KIF24: variants seen among roughly 807,000 people sequenced by gnomAD.
KIF24 encodes kinesin-like protein KIF24.
A neutral mutation model predicts 118.9 loss-of-function variants in KIF24; 81 were observed. The observed-to-expected ratio is 0.68, with a 90% CI of 0.57 to 0.82. The LOEUF (loss-of-function observed/expected upper bound fraction) is 0.82, where lower values mean the gene tolerates loss of function less well. Ranked by LOEUF, KIF24 falls within the 40% of genes least tolerant of loss-of-function variation. The pLI is 0.00. For synonymous variants in KIF24, 599 were observed against 610.0 expected (o/e 0.98, Z 0.27); for missense variants, 1,560 against 1,661.6 (o/e 0.94, Z 1.06).
chr9:34,299,730 A>T (rs1836621771), intron 3 of KIF24, among the ~76,000 whole-genome samples: 1 of 151,882 alleles, frequency 6.6e-6, no homozygotes, highest in Non-Finnish European at 1.5e-5. Context: ...CTATTCAGAG[A>T]TATTTACTTT....
At chr9:34,316,943 G>A (rs750675471) in intron 1 of KIF24, among the ~76,000 whole-genome samples, 7 of 152,040 alleles carry the variant, frequency 4.6e-5, no homozygotes, top group Non-Finnish European at 7.4e-5. Context: ...GGCTGAGCAC[G>A]GTGGCTCACG....
chr9:34,304,257 A>C (rs1168227395), intron 3 of KIF24, among the ~76,000 whole-genome samples: 1 of 152,218 alleles, frequency 6.6e-6, no homozygotes. Flanking sequence ...AGAAAAAAGA[A>C]AAAGAAGTCT....
chr9:34,286,051 AGGCT>A (rs574330198), intron 6 of KIF24, among the ~76,000 whole-genome samples: 2 of 151,538 alleles, frequency 1.3e-5, no homozygotes, highest in Non-Finnish European at 2.9e-5. Context: ...TGGCCCAATA[AGGCT>A]GGGTGCGGTG....
At chr9:34,280,715 C>A (rs186210273) in intron 6 of KIF24, among the ~76,000 whole-genome samples, 1 of 152,132 alleles carries the variant, frequency 6.6e-6, no homozygotes, top group African/African-American at 2.4e-5. Flanking sequence ...CACTCGGGCG[C>A]TATACTCAGG....
chr9:34,256,328 T>C lies in KIF24; in HGVS notation c.3279A>G (p.Thr1093=). ...ESTGGPVVSH[T]VPSGDQEAAL... ...CTGCCTCTTGATCACCAGATGGCAC[T>C]GTGTGGCTCACAACTGGGCCCCCTG... The change falls in exon 11 of 13, where the codon ACA becomes ACG. Residue 1093 remains threonine (T), a synonymous_variant. Transcript: ENST00000402558. The C allele has an allele frequency of 1.2e-6, 2 of 1,613,550 alleles. No homozygotes were observed. Among genetic ancestry groups the C allele is most frequent in the South Asian group, 1.1e-5 (1 of 91,066 alleles).
At position 34,306,381 on chromosome 9, in the gene KIF24, A is replaced by G. The variant is rs762980461; in HGVS notation, c.684T>C (p.Val228=). ...WTEMEKIRVC[V]RKRPLGMREV... Reference sequence around the variant, plus strand: ...CCCTCATGCCCAGGGGGCGTTTTCGAACACAAACTCTGATTTTCTCCATCT... The same window carrying G: ...CCCTCATGCCCAGGGGGCGTTTTCGGACACAAACTCTGATTTTCTCCATCT... The change falls in exon 3 of 13, where the codon GTT becomes GTC. Residue 228 remains valine, a synonymous_variant. Transcript: ENST00000402558. The G allele has an allele frequency of 6.2e-7, 1 of 1,613,096 alleles. No individual in the cohort carries two copies. The highest frequency in any genetic ancestry group is 1.1e-5 in the South Asian group (1 of 90,942).
intron 3 of KIF24, among the ~76,000 whole-genome samples, chr9:34,301,944 T>C (rs550646551): frequency 5.5e-4 from 83 of 152,158 alleles, no homozygotes; most frequent in African/African-American, 1.9e-3. Context: ...AACTTTTTGA[T>C]GTATTTCAGA....
chr9:34,303,753 G>A (rs554773445), intron 3 of KIF24, among the ~76,000 whole-genome samples: 1 of 152,288 alleles, frequency 6.6e-6, no homozygotes, highest in South Asian at 2.1e-4. Context: ...AGAGGCTGAG[G>A]TGGGAGGATC....
At chr9:34,319,645 A>G (rs967407828) in intron 1 of KIF24, 1 of 857,154 alleles carries the variant, frequency 1.2e-6, no homozygotes, top group South Asian at 1.4e-5. Context: ...AAGATGCAAG[A>G]CGAGTTTTAG....
chr9:34,257,952 C>G lies in KIF24; in HGVS notation c.1655G>C (p.Cys552Ser), dbSNP rs760702618. The change falls in exon 11 of 13, where the codon TGT (cysteine) becomes TCT (serine). Residue 552 changes from cysteine (C) to serine (S), a missense_variant. Around this residue, in one of 3 missense-constraint regions of KIF24, gnomAD observed 964 missense variants for 988.0 expected, o/e 0.98. Transcript: ENST00000402558. ...RVKELKKGIK[C>S]CTSVTSRNRT... is the part of the protein sequence containing the mutation. Reference sequence around the variant, plus strand: ...ATTTCGACTGGTAACTGAAGTGCAACACTTAATGCCTTTCTTTAGTTCTTT... The same window carrying G: ...ATTTCGACTGGTAACTGAAGTGCAAGACTTAATGCCTTTCTTTAGTTCTTT... The G allele has an allele frequency of 1.2e-6, 2 of 1,609,228 alleles. No homozygotes were observed. The highest frequency in any genetic ancestry group is 1.7e-6 in the Non-Finnish European group (2 of 1,177,800).
chr9:34,331,634 A>G (rs1837940230), upstream of KIF24, among the ~76,000 whole-genome samples: 1 of 152,160 alleles, frequency 6.6e-6, no homozygotes, highest in African/African-American at 2.4e-5. Flanking sequence ...TCTAATAGAA[A>G]ATTTTCACCG....
chr9:34,300,741 C>T (rs55757184), intron 3 of KIF24, among the ~76,000 whole-genome samples: 18,744 of 150,508 alleles, frequency 0.12, 1,511 homozygotes, highest in Non-Finnish European at 0.18. Flanking sequence ...CAAAATAATT[C>T]GTTGCTCAAA....
At chr9:34,270,478 T>C (rs1835461905) in intron 7 of KIF24, among the ~76,000 whole-genome samples, 1 of 144,790 alleles carries the variant, frequency 6.9e-6, no homozygotes, top group Admixed American at 7.1e-5. Flanking sequence ...ATTGTGCTAC[T>C]GCACTCCAGC....
chr9:34,324,613 G>A (rs1464083574), intron 1 of KIF24, among the ~76,000 whole-genome samples: 2 of 152,124 alleles, frequency 1.3e-5, no homozygotes, highest in Non-Finnish European at 2.9e-5. Context: ...TCACTCTTTT[G>A]AAAGCAGTTA....
At position 34,257,989 on chromosome 9, in the gene KIF24, T is replaced by C; in HGVS notation, c.1626-8A>G. The C allele has an allele frequency of 6.4e-7, 1 of 1,557,150 alleles. No homozygotes were observed. Among genetic ancestry groups the C allele is most frequent in the South Asian group, 1.2e-5 (1 of 83,564 alleles). ...TTCTTTAGTTCTTTGACCCTGTAAATAATCATTTTATGTTAAATGTGTATT... is the reference window on the plus strand; with the variant it reads ...TTCTTTAGTTCTTTGACCCTGTAAACAATCATTTTATGTTAAATGTGTATT... On this transcript the variant is annotated splice_polypyrimidine_tract_variant and splice_region_variant and intron_variant, in intron 10 of 12. Transcript: ENST00000402558.
chr9:34,269,155 C>A, intron 8 of KIF24, 102 bp downstream of exon 8: 2 of 638,332 alleles, frequency 3.1e-6, no homozygotes, highest in Non-Finnish European at 5.6e-6. Flanking sequence ...AAGAACAGGG[C>A]AGTTGCTTTG....
At chr9:34,275,442 C>A (rs889077341) in intron 6 of KIF24, among the ~76,000 whole-genome samples, 1 of 152,008 alleles carries the variant, frequency 6.6e-6, no homozygotes, top group African/African-American at 2.4e-5. Context: ...GTGGCTTATG[C>A]CTGTAATCCC....
At chr9:34,262,659 A>ATATAT (rs1835103569) in intron 9 of KIF24, among the ~76,000 whole-genome samples, 1 of 37,874 alleles carries the variant, frequency 2.6e-5, no homozygotes, top group Non-Finnish European at 5.2e-5. Context: ...AAAAAAAAAA[A>ATATAT]AAAAAAAAAA....
rs1309525511 is a variant in KIF24 at position 34,318,977 on chromosome 9, A to G, written c.-25-7606T>C. ...CAAGCTGCCCAAGGTCACCAAGGAC[A>G]TGGAGTGCATGGATGGCGCCCTGCT... On this transcript the variant is annotated intron_variant, in intron 1 of 12. Transcript: ENST00000402558. This position sits in a 1 kb window ranked among gnomAD's most constrained non-coding sequence, Gnocchi z 4.9. 2 of 1,292,360 alleles carry G rather than the reference A, an allele frequency of 1.5e-6. No individual in the cohort carries two copies. Among genetic ancestry groups the G allele is most frequent in the East Asian group, 2.3e-5 (1 of 43,242 alleles). The allele number at this position is 1,292,360 out of a possible 1,614,324, so 80.1% of individuals were successfully genotyped here. A position where few individuals can be genotyped will look rare whatever the true frequency, so the allele number is the denominator to read the frequency against.
Sources: allele counts gnomAD v4.1 joint callset (sites outside exome capture counted in the v4.1 genomes callset), GRCh38; gene constraint gnomAD v4.1.1; regional missense constraint gnomAD v4.1.1; non-coding constraint Gnocchi (gnomAD v3.1); transcripts MANE v1.5; gene names NCBI Gene and HGNC (gene_info 2026-07-23, HGNC 2026-07-21).